The following RBMS1 variants were observed in gnomAD, a reference collection of about 807,000 sequenced individuals.
The protein encoded by RBMS1 is RNA-binding motif, single-stranded-interacting protein 1.
In RBMS1, 17 loss-of-function variants were observed where a neutral mutation model predicts 62.3. The observed-to-expected ratio is 0.27, with a 90% CI of 0.19 to 0.41. The LOEUF (loss-of-function observed/expected upper bound fraction) is 0.41, where lower values mean the gene tolerates loss of function less well. RBMS1 is among the 10% of genes least tolerant of loss of function. RBMS1 has a pLI of 1.00. For missense variants in RBMS1, 334 were observed against 504.5 expected (o/e 0.66, Z 3.24); for synonymous variants, 172 against 170.0 (o/e 1.01, Z -0.09).
rs1685954142 is a variant in RBMS1, at chr2:160,493,470, G to A, written c.-107C>T. On this transcript the variant is annotated 5_prime_UTR_variant, in exon 1 of 14. Coordinates refer to ENST00000348849, the MANE Select transcript of RBMS1 (RefSeq NM_016836.4). ...CGGCGGCGGCGGCAGCGGCGGCGGC[G>A]GCGGCGGCTGCTGCTGCTGCCGCTG... The A allele has an allele frequency of 8.8e-6, 9 of 1,016,982 alleles. No homozygotes were observed. Among genetic ancestry groups the A allele is most frequent in the South Asian group, 2.7e-5 (2 of 75,380 alleles). The allele number at this position is 1,016,982 out of a possible 1,614,324, so 63.0% of individuals were successfully genotyped here.
intron 2 of RBMS1, among the ~76,000 whole-genome samples, chr2:160,331,579 CAGA>C (rs1691276452): frequency 6.6e-6 from 1 of 152,156 alleles, no homozygotes; most frequent in African/African-American, 2.4e-5. Context: ...ATTTGACATT[CAGA>C]AGAAAGGAGT....
chr2:160,450,910 C>T (rs1037468319), intron 1 of RBMS1, among the ~76,000 whole-genome samples: 100 of 152,182 alleles, frequency 6.6e-4, no homozygotes, highest in African/African-American at 2.1e-3. Context: ...CAGTGGCTCA[C>T]GTCTGTAATC....
chr2:160,333,650 C>T (rs1691402863), intron 2 of RBMS1, among the ~76,000 whole-genome samples: 1 of 152,134 alleles, frequency 6.6e-6, no homozygotes, highest in Non-Finnish European at 1.5e-5. Flanking sequence ...CAAGCTCTTC[C>T]CAAACCACAC....
intron 1 of RBMS1, among the ~76,000 whole-genome samples, chr2:160,461,281 A>AGAGAGGGAGAGAG (rs1559580551): frequency 6.6e-6 from 1 of 152,074 alleles, no homozygotes; most frequent in African/African-American, 2.4e-5. Context: ...GAGGGAGAGA[A>AGAGAGGGAGAGAG]AGAAAGAGAG....
intron 1 of RBMS1, among the ~76,000 whole-genome samples, chr2:160,388,287 T>C (rs1694685362): frequency 6.6e-6 from 1 of 152,178 alleles, no homozygotes; most frequent in Non-Finnish European, 1.5e-5. Context: ...CACCCAGTGG[T>C]CCTTAGCCTT....
chr2:160,453,890 A>G (rs1431446505), intron 1 of RBMS1, among the ~76,000 whole-genome samples: 1 of 152,190 alleles, frequency 6.6e-6, no homozygotes, highest in Non-Finnish European at 1.5e-5. Flanking sequence ...TTAGTTCATG[A>G]TAGTTTTTAT....
At chr2:160,486,625 T>G (rs1242333105) in intron 1 of RBMS1, among the ~76,000 whole-genome samples, 4 of 152,162 alleles carry the variant, frequency 2.6e-5, no homozygotes, top group Non-Finnish European at 4.4e-5. Flanking sequence ...ACAACAGGAC[T>G]CCTGAAGCAC....
At chr2:160,396,411 T>G (rs1695140637) in intron 1 of RBMS1, among the ~76,000 whole-genome samples, 1 of 152,154 alleles carries the variant, frequency 6.6e-6, no homozygotes, top group African/African-American at 2.4e-5. Flanking sequence ...CAGACCCATA[T>G]GTACTATCTC....
intron 2 of RBMS1, among the ~76,000 whole-genome samples, chr2:160,324,895 TATATATATATATACACAC>T (rs1358553150): frequency 6.8e-5 from 8 of 117,496 alleles, no homozygotes; most frequent in Non-Finnish European, 1.2e-4. Flanking sequence ...TATATATATA[TATATATATATATACACAC>T]ACACACACAC....
intron 1 of RBMS1, among the ~76,000 whole-genome samples, chr2:160,491,200 A>G (rs939387948): frequency 1.3e-5 from 2 of 152,206 alleles, no homozygotes; most frequent in Non-Finnish European, 2.9e-5. Flanking sequence ...CCCTTCTGAG[A>G]TAATCAAGAT....
chr2:160,278,839 TGA>T (rs977532610), intron 10 of RBMS1, 181 bp from the exon 11 acceptor site: 3 of 543,826 alleles, frequency 5.5e-6, no homozygotes, highest in Non-Finnish European at 9.8e-6. Flanking sequence ...TTGCTCTTCC[TGA>T]GAGTTTTTTA....
intron 1 of RBMS1, among the ~76,000 whole-genome samples, chr2:160,386,331 T>G (rs563052279): frequency 1.3e-5 from 2 of 151,998 alleles, no homozygotes; most frequent in Admixed American, 1.3e-4. Context: ...AGGTCAAGAG[T>G]TCGAGACCAG....
chr2:160,323,622 A>C (rs1194900194), intron 2 of RBMS1, among the ~76,000 whole-genome samples: 4 of 151,106 alleles, frequency 2.6e-5, no homozygotes, highest in African/African-American at 4.9e-5. Context: ...GAAAAAAAAA[A>C]AAAAAAAAAC....
At chr2:160,381,221 G>C (rs777306602) in intron 1 of RBMS1, among the ~76,000 whole-genome samples, 23 of 151,960 alleles carry the variant, frequency 1.5e-4, no homozygotes, top group Admixed American at 4.6e-4. Context: ...AAAACACTGG[G>C]AACAATGTTT....
chr2:160,472,816 T>C (rs182336061), intron 1 of RBMS1, among the ~76,000 whole-genome samples: 15 of 152,290 alleles, frequency 9.8e-5, no homozygotes, highest in African/African-American at 3.4e-4. Context: ...TTAGTTTCCA[T>C]GGGGGTTTAT....
chr2:160,375,531 T>C (rs576758048), intron 1 of RBMS1, among the ~76,000 whole-genome samples: 1 of 152,328 alleles, frequency 6.6e-6, no homozygotes, highest in Admixed American at 6.5e-5. Flanking sequence ...AGAGACTGTA[T>C]GTTACTTAGC....
At chr2:160,368,452 C>T (rs1316695690) in intron 1 of RBMS1, among the ~76,000 whole-genome samples, 1 of 152,166 alleles carries the variant, frequency 6.6e-6, no homozygotes, top group Non-Finnish European at 1.5e-5. Flanking sequence ...TCAGGCATGT[C>T]TATAGGAGAC....
intron 1 of RBMS1, among the ~76,000 whole-genome samples, chr2:160,471,165 C>G (rs1235622050): frequency 1.3e-5 from 2 of 151,908 alleles, no homozygotes; most frequent in Admixed American, 1.3e-4. Context: ...GGCAGGAGCC[C>G]AATATGAACC....
chr2:160,379,221 T>C (rs2105184549), intron 1 of RBMS1, among the ~76,000 whole-genome samples: 1 of 143,142 alleles, frequency 7.0e-6, no homozygotes, highest in East Asian at 2.0e-4. Flanking sequence ...GAACCTGTCT[T>C]AAAAAAAAAA....
Sources: allele counts gnomAD v4.1 joint callset (sites outside exome capture counted in the v4.1 genomes callset), GRCh38; gene constraint gnomAD v4.1.1; transcripts MANE v1.5; gene names NCBI Gene and HGNC (gene_info 2026-07-23, HGNC 2026-07-21).